ZNF689: variants seen among roughly 807,000 people sequenced by gnomAD.
ZNF689 encodes short ORF-encoded histone-binding protein.
A neutral mutation model predicts 37.2 loss-of-function variants in ZNF689; 14 were observed. The ratio of observed to expected loss-of-function variants is 0.38; its 90% CI spans 0.25 to 0.59. The LOEUF is 0.59. Among genes scored for constraint, ZNF689 ranks in the 20% least tolerant of loss-of-function variants. The probability of loss-of-function intolerance (pLI) is 0.68; values close to 1 mark genes in which losing one functional copy is unlikely to be tolerated. For missense variants in ZNF689, 573 were observed against 700.2 expected, an observed-to-expected ratio of 0.82 and a Z score of 2.05; for synonymous variants, 277 against 283.3, an observed-to-expected ratio of 0.98 and a Z score of 0.22.
At position 30,610,371 on chromosome 16, in the gene ZNF689, T is replaced by C; in HGVS notation, c.-330A>G. ...CGCCATGCCGGCTTCCTAACCTCTT[T>C]GCCCTCAAGTGTAATGGCGCTGCGA... On this transcript the variant is annotated 5_prime_UTR_variant, in exon 1 of 3. Coordinates refer to ENST00000287461, the MANE Select transcript of ZNF689 (RefSeq NM_138447.3). 3.2e-6 allele frequency: 1 copy of C among 311,320 alleles called. No individual in the cohort carries two copies. The highest frequency in any genetic ancestry group is 6.0e-6 in the Non-Finnish European group (1 of 166,994). The allele number at this position is 311,320 out of a possible 1,614,324, so 19.3% of individuals were successfully genotyped here. A position where few individuals can be genotyped will look rare whatever the true frequency, so the allele number is the denominator to read the frequency against.
Position 30,604,251 on chromosome 16 carries a change from A to G in ZNF689, c.*13T>C. 1 of 1,613,752 alleles carries G rather than the reference A, an allele frequency of 6.2e-7. No homozygotes were observed. The highest frequency in any genetic ancestry group is 8.5e-7 in the Non-Finnish European group (1 of 1,179,666). ...TCCATAAAATGAAATGAACGTAGGCAGTCCTTCCCCTTCTAATGGGCGTTG... is the reference window on the plus strand; with the variant it reads ...TCCATAAAATGAAATGAACGTAGGCGGTCCTTCCCCTTCTAATGGGCGTTG... On this transcript the variant is annotated 3_prime_UTR_variant, in exon 3 of 3. Coordinates refer to ENST00000287461, the MANE Select transcript of ZNF689 (RefSeq NM_138447.3). The surrounding 1 kb of genome is among the most constrained non-coding windows in gnomAD (Gnocchi z 5.2).
chr16:30,605,434 T>C lies in ZNF689; in HGVS notation c.333A>G (p.Arg111=). The change falls in exon 3 of 3, where the codon AGA becomes AGG. Residue 111 remains arginine, a synonymous_variant. Transcript: ENST00000287461. This position sits in a 1 kb window ranked among gnomAD's most constrained non-coding sequence, Gnocchi z 5.1. Reference sequence around the variant, plus strand: ...ATACTTCCTTCTCCCCATTCTTCTTTCTGGTTCTGCTTTCTATAGAAATAC... The same window carrying C: ...ATACTTCCTTCTCCCCATTCTTCTTCCTGGTTCTGCTTTCTATAGAAATAC... ...GLTVQRKSRT[R]KKNGEKEVFP... 6.2e-7 allele frequency: 1 copy of C among 1,612,326 alleles called. No individual in the cohort carries two copies. The highest frequency in any genetic ancestry group is 8.5e-7 in the Non-Finnish European group (1 of 1,179,626).
rs1459868556 is a variant in ZNF689, at chr16:30,604,951, G to A, written c.816C>T (p.Tyr272=). The stretch of plus-strand genomic sequence containing the variant: ...GCTGGTGGATGGCTAGCAGGGAGGG[G>A]TAGGCGAAGCGACGTCCACAGCTAG... ...QCPSCGRRFA[Y]PSLLAIHQRT... The change falls in exon 3 of 3, where the codon TAC becomes TAT. Residue 272 remains tyrosine, a synonymous_variant. Transcript: ENST00000287461. The surrounding 1 kb of genome is among the most constrained non-coding windows in gnomAD (Gnocchi z 5.2). 7.6e-6 allele frequency: 12 copies of A among 1,577,470 alleles called. No homozygotes were observed. Among genetic ancestry groups the A allele is most frequent in the South Asian group, 1.2e-5 (1 of 84,248 alleles).
Position 30,609,944 on chromosome 16 carries a change from T to C in ZNF689, c.98A>G (p.Asp33Gly), listed in dbSNP as rs989332265. The change falls in exon 1 of 3, where the codon GAC becomes GGC. Residue 33 changes from aspartate to glycine, a missense_variant. Physicochemically the swap from Asp to Gly is moderately conservative, Grantham distance 94. Transcript: ENST00000287461. ...GRRPRALKFVDVAVYFSPEEW... is the reference protein window; with the variant it reads ...GRRPRALKFVGVAVYFSPEEW... ...CTCCGGGGAGAAGTACACGGCCACG[T>C]CCACGAACTTCAGAGCCCTCGGCCT... 6.8e-6 allele frequency: 11 copies of C among 1,612,746 alleles called. No homozygotes were observed. Among genetic ancestry groups the C allele is most frequent in the Non-Finnish European group, 9.3e-6 (11 of 1,179,664 alleles).
rs1362105263 is a variant in ZNF689 at position 30,610,219 on chromosome 16, G to A, written c.-178C>T. The A allele has an allele frequency of 4.0e-6, 3 of 749,982 alleles. No homozygotes were observed. Among genetic ancestry groups the A allele is most frequent in the South Asian group, 2.0e-5 (1 of 50,820 alleles). 46.5% of individuals were successfully genotyped at this position (749,982 alleles called of 1,614,324 possible). The stretch of plus-strand genomic sequence containing the variant: ...ACGGAAACCTTTTGCTGTTATTCAG[G>A]AAACTCCTGCCCGAACTTGGGTGAA... On this transcript the variant is annotated 5_prime_UTR_variant, in exon 1 of 3. Coordinates refer to ENST00000287461, the MANE Select transcript of ZNF689 (RefSeq NM_138447.3).
chr16:30,606,722 G>C (rs1183775161), intron 2 of ZNF689, among the ~76,000 whole-genome samples: 1 of 151,816 alleles, frequency 6.6e-6, no homozygotes, highest in Non-Finnish European at 1.5e-5. Flanking sequence ...GGTTGGTCTC[G>C]AACTCCTGAC....
At chr16:30,610,741 A>G (rs889959698), upstream of ZNF689, 1 of 152,116 alleles carries the variant, frequency 6.6e-6, no homozygotes, top group African/African-American at 2.4e-5. Flanking sequence ...GTGTTCTCAG[A>G]GCATCCTTGA....
rs1334708762 is a variant in ZNF689, at chr16:30,610,079, A to C, written c.-38T>G. On this transcript the variant is annotated 5_prime_UTR_variant, in exon 1 of 3. Transcript: ENST00000287461. ...GCCGGCGCCACGGCCTTCCGTGTCC[A>C]GGCCTCGGCCCTCGGGCGCTGGCGG... The C allele has an allele frequency of 2.6e-6, 4 of 1,548,922 alleles. No homozygotes were observed. The highest frequency in any genetic ancestry group is 3.5e-6 in the Non-Finnish European group (4 of 1,147,778).
At chr16:30,608,058 A>C (rs1328476608) in intron 2 of ZNF689, among the ~76,000 whole-genome samples, 1 of 152,214 alleles carries the variant, frequency 6.6e-6, no homozygotes, top group African/African-American at 2.4e-5. Flanking sequence ...AATGGTTCTC[A>C]AACTCCACTG....
At chr16:30,610,615 G>A (rs145619925), upstream of ZNF689, 203 of 153,212 alleles carry the variant, frequency 1.3e-3, no homozygotes, top group Non-Finnish European at 2.4e-3. Flanking sequence ...CCCCGGGGCT[G>A]CTTTCCGCTG....
In ZNF689 at chr16:30,604,780, G is replaced by A. The variant is rs1456728422; in HGVS notation, c.987C>T (p.Ser329=). Residue 329 remains serine (S), a synonymous_variant, in exon 3 of 3, where the codon TCC becomes TCT. Transcript: ENST00000287461. This position sits in a 1 kb window ranked among gnomAD's most constrained non-coding sequence, Gnocchi z 5.2. ...CACGCCGGTGACTGACCAGGCGAGA[G>A]GAGGAGGAGAAGCGCCGCTCGCAGT... The part of the protein sequence containing the change: ...CPDCERRFSS[S]SRLVSHRRVH... 2.5e-6 allele frequency: 4 copies of A among 1,605,734 alleles called. No individual in the cohort carries two copies. The highest frequency in any genetic ancestry group is 3.4e-6 in the Non-Finnish European group (4 of 1,176,510).
Position 30,610,142 on chromosome 16 carries a change from A to C in ZNF689, c.-101T>G. ...AGGAGCCCCTGCCGGACCAGGGCTGAGCGTGGCCGGGGAGGCCCGGAGGGA... is the reference window on the plus strand; with the variant it reads ...AGGAGCCCCTGCCGGACCAGGGCTGCGCGTGGCCGGGGAGGCCCGGAGGGA... On this transcript the variant is annotated 5_prime_UTR_variant, in exon 1 of 3. Coordinates refer to ENST00000287461, the MANE Select transcript of ZNF689 (RefSeq NM_138447.3). 7.2e-7 allele frequency: 1 copy of C among 1,381,804 alleles called. No individual in the cohort carries two copies. The highest frequency in any genetic ancestry group is 1.5e-5 in the South Asian group (1 of 68,598). 85.6% of individuals were successfully genotyped at this position (1,381,804 alleles called of 1,614,324 possible).
rs958440313 is a variant in ZNF689 at position 30,602,708 on chromosome 16, A to T, written c.*1556T>A. 6.6e-6 allele frequency: 1 copy of T among 152,220 alleles called. No homozygotes were observed. Among genetic ancestry groups the T allele is most frequent in the South Asian group, 2.1e-4 (1 of 4,834 alleles). 9.4% of individuals were successfully genotyped at this position (152,220 alleles called of 1,614,324 possible). Reference sequence around the variant, plus strand: ...TAATTACATAAAGCTGTGTTCCCCCAGCTGCTCCCCTGCTTGTGCTGAGAT... The same window carrying T: ...TAATTACATAAAGCTGTGTTCCCCCTGCTGCTCCCCTGCTTGTGCTGAGAT... On this transcript the variant is annotated 3_prime_UTR_variant, in exon 3 of 3. Transcript: ENST00000287461.
rs2051991968 is a variant in ZNF689, at chr16:30,602,959, G to A, written c.*1305C>T. Reference sequence around the variant, plus strand: ...CGCTGCTGCCACCTCTGTGGAGGGAGGCTGGCATGGATACAACTTGATGAC... The same window carrying A: ...CGCTGCTGCCACCTCTGTGGAGGGAAGCTGGCATGGATACAACTTGATGAC... On this transcript the variant is annotated 3_prime_UTR_variant, in exon 3 of 3. Coordinates refer to ENST00000287461, the MANE Select transcript of ZNF689 (RefSeq NM_138447.3). The A allele has an allele frequency of 1.3e-5, 2 of 152,248 alleles. No homozygotes were observed. Among genetic ancestry groups the A allele is most frequent in the African/African-American group, 4.8e-5 (2 of 41,460 alleles). The allele number at this position is 152,248 out of a possible 1,614,324, so 9.4% of individuals were successfully genotyped here.
intron 2 of ZNF689, among the ~76,000 whole-genome samples, chr16:30,607,181 G>A (rs570677748): frequency 2.0e-5 from 3 of 149,294 alleles, no homozygotes; most frequent in African/African-American, 7.4e-5. Context: ...CCTGGGAGGC[G>A]GAGGTTGCAG....
In ZNF689 at chr16:30,609,051, A is replaced by G. The variant is rs996614564; in HGVS notation, c.319+474T>C. Among the ~76,000 whole-genome samples, 6 of 152,232 alleles carry G rather than the reference A, an allele frequency of 3.9e-5. No homozygotes were observed. In the South Asian group the frequency reaches 1.2e-3, roughly 32 times the overall value. On this transcript the variant is annotated intron_variant, in intron 2 of 2. Transcript: ENST00000287461. ...AGCTCCCTTCAACCAAAACCCAGAAAACTCTGAGAAGTTTAGGATCTCTTT... is the reference window on the plus strand; with the variant it reads ...AGCTCCCTTCAACCAAAACCCAGAAGACTCTGAGAAGTTTAGGATCTCTTT...
At chr16:30,609,476 A>C in intron 2 of ZNF689, 49 bp downstream of exon 2, 4 of 1,541,470 alleles carry the variant, frequency 2.6e-6, no homozygotes, top group Non-Finnish European at 2.7e-6. Flanking sequence ...CGTTAGAGGT[A>C]GAACGTTATA....
chr16:30,604,583 T>TGC lies in ZNF689; in HGVS notation c.1182_1183dup (p.His395ArgfsTer201), dbSNP rs1567527255. ...GCAGGCGTGCAGCTTCTCCTCTGTG[T>TGC]GCGTGCTGCGATGGATGGCCAGGGA... On this transcript the variant is annotated frameshift_variant, in exon 3 of 3. Coordinates refer to ENST00000287461, the MANE Select transcript of ZNF689 (RefSeq NM_138447.3). LOFTEE classifies it high-confidence loss of function. The surrounding 1 kb of genome is among the most constrained non-coding windows in gnomAD (Gnocchi z 5.2). 6.3e-7 allele frequency: 1 copy of TGC among 1,590,942 alleles called. No individual in the cohort carries two copies.
At position 30,604,609 on chromosome 16, in the gene ZNF689, G is replaced by C; in HGVS notation, c.1158C>G (p.Gly386=). The C allele has an allele frequency of 6.2e-7, 1 of 1,602,322 alleles. No homozygotes were observed. The highest frequency in any genetic ancestry group is 8.5e-7 in the Non-Finnish European group (1 of 1,174,714). The stretch of plus-strand genomic sequence containing the variant: ...GCGTGCTGCGATGGATGGCCAGGGA[G>C]CCGCTCCGCCGGAAGGCACGCCCAC... ...PDCGRAFRRS[G]SLAIHRSTHT... is the part of the protein sequence containing the mutation. The change falls in exon 3 of 3, where the codon GGC becomes GGG. Residue 386 remains glycine (G), a synonymous_variant. Coordinates refer to ENST00000287461, the MANE Select transcript of ZNF689 (RefSeq NM_138447.3). This position sits in a 1 kb window ranked among gnomAD's most constrained non-coding sequence, Gnocchi z 5.2.
Sources: gnomAD v4.1 joint callset for allele counts (sites outside exome capture counted in the v4.1 genomes callset) on GRCh38, gnomAD v4.1.1 for gene constraint, Gnocchi (gnomAD v3.1) non-coding constraint, MANE v1.5 for transcripts, NCBI Gene and HGNC (gene_info 2026-07-23, HGNC 2026-07-21) for gene names.